DRC2: variants seen among roughly 807,000 people sequenced by gnomAD.
DRC2 encodes dynein regulatory complex subunit 2.
At chr12:48,919,318 C>T in the DRC2 span, among the ~76,000 whole-genome samples, 1 of 151,448 alleles carries the variant, frequency 6.6e-6, no homozygotes, top group East Asian at 2.0e-4. Context: ...CCTCTGCCTC[C>T]TGGGCTCAAG....
the DRC2 span, chr12:48,921,357 T>TTTA: frequency 6.8e-6 from 11 of 1,614,078 alleles, no homozygotes; most frequent in African/African-American, 2.7e-5. Context: ...CAACCCACTC[T>TTTA]TTATAGTCAA....
the DRC2 span, among the ~76,000 whole-genome samples, chr12:48,910,255 A>G: frequency 1.3e-5 from 2 of 152,022 alleles, no homozygotes; most frequent in Non-Finnish European, 2.9e-5. Flanking sequence ...TATTTATGTA[A>G]CTCTTCCTAC....
At chr12:48,921,195 A>G in the DRC2 span, 1 of 1,614,156 alleles carries the variant, frequency 6.2e-7, no homozygotes, top group Non-Finnish European at 8.5e-7. Context: ...AGGAATGGAG[A>G]ATTTCTGGAA....
the DRC2 span, among the ~76,000 whole-genome samples, chr12:48,905,593 G>C: frequency 6.6e-6 from 1 of 152,118 alleles, no homozygotes; most frequent in Non-Finnish European, 1.5e-5. Context: ...GATCTCCATG[G>C]GTAAGAGCAG....
chr12:48,914,507 T>A, the DRC2 span: 1 of 1,614,166 alleles, frequency 6.2e-7, no homozygotes, highest in Non-Finnish European at 8.5e-7. Context: ...AGGCACCGGC[T>A]CAGTCTCCTG....
the DRC2 span, among the ~76,000 whole-genome samples, chr12:48,912,617 C>T: frequency 1.0e-3 from 152 of 151,998 alleles, 1 homozygote; most frequent in African/African-American, 3.5e-3. Flanking sequence ...ATTCTGTTGA[C>T]CCATGTAGTC....
chr12:48,909,725 C>T, the DRC2 span, among the ~76,000 whole-genome samples: 1 of 151,452 alleles, frequency 6.6e-6, no homozygotes, highest in Non-Finnish European at 1.5e-5. Flanking sequence ...GATCTGCCCA[C>T]TTCGGCCTCC....
chr12:48,904,245 A>G, the DRC2 span: 8 of 1,500,428 alleles, frequency 5.3e-6, no homozygotes, highest in East Asian at 1.9e-4. Context: ...CACTTCTGGA[A>G]GTCCCCTTTC....
chr12:48,919,071 T>C, the DRC2 span, among the ~76,000 whole-genome samples: 1 of 152,122 alleles, frequency 6.6e-6, no homozygotes, highest in Non-Finnish European at 1.5e-5. Context: ...TTAAATTAAA[T>C]TAATTTATTT....
At chr12:48,908,277 T>C in the DRC2 span, among the ~76,000 whole-genome samples, 6 of 152,130 alleles carry the variant, frequency 3.9e-5, no homozygotes, top group African/African-American at 1.4e-4. Context: ...GGTCTTGAAC[T>C]CCTGGCCTCA....
At chr12:48,905,522 C>T in the DRC2 span, among the ~76,000 whole-genome samples, 1 of 152,180 alleles carries the variant, frequency 6.6e-6, no homozygotes. Flanking sequence ...TGCAGTGCTC[C>T]ATTCAACTAA....
At chr12:48,920,441 TAAAAAA>T in the DRC2 span, among the ~76,000 whole-genome samples, 42 of 67,812 alleles carry the variant, frequency 6.2e-4, 1 homozygote, top group East Asian at 9.4e-4. Context: ...AACTCCATCT[TAAAAAA>T]AAAAAAAAAA....
the DRC2 span, among the ~76,000 whole-genome samples, chr12:48,905,688 T>C: frequency 6.6e-6 from 1 of 152,224 alleles, no homozygotes; most frequent in East Asian, 1.9e-4. Context: ...TCTTTTCTTC[T>C]AAGGGATTTT....
At chr12:48,918,857 T>A in the DRC2 span, 31 of 1,613,982 alleles carry the variant, frequency 1.9e-5, no homozygotes, top group African/African-American at 3.7e-4. Flanking sequence ...AGACTCACCC[T>A]GGAAAGTAAT....
the DRC2 span, among the ~76,000 whole-genome samples, chr12:48,906,019 C>T: frequency 1.3e-5 from 2 of 152,180 alleles, no homozygotes; most frequent in African/African-American, 4.8e-5. Context: ...GACCCACCCG[C>T]CTTGGCCTCC....
the DRC2 span, among the ~76,000 whole-genome samples, chr12:48,906,629 G>C: frequency 1.3e-5 from 2 of 150,590 alleles, no homozygotes; most frequent in Non-Finnish European, 3.0e-5. Context: ...ACAGTGGCGC[G>C]ATCTCGGCTC....
At chr12:48,905,777 T>A in the DRC2 span, among the ~76,000 whole-genome samples, 1 of 152,176 alleles carries the variant, frequency 6.6e-6, no homozygotes, top group African/African-American at 2.4e-5. Context: ...CATTATTTAT[T>A]TATTTATTTA....
chr12:48,913,761 C>G, the DRC2 span, among the ~76,000 whole-genome samples: 1 of 152,012 alleles, frequency 6.6e-6, no homozygotes, highest in East Asian at 1.9e-4. Context: ...TCCCAAAGTG[C>G]TGGGATTACA....
At chr12:48,915,269 C>T in the DRC2 span, among the ~76,000 whole-genome samples, 405 of 150,640 alleles carry the variant, frequency 2.7e-3, 8 homozygotes, top group Admixed American at 0.024. Flanking sequence ...CCTTCCACAG[C>T]GTTTGTGTCC....
Sources: gnomAD v4.1 joint callset for allele counts (sites outside exome capture counted in the v4.1 genomes callset) on GRCh38, gnomAD v4.1.1 for gene constraint, MANE v1.5 for transcripts, NCBI Gene and HGNC (gene_info 2026-07-23, HGNC 2026-07-21) for gene names.